The following ZNF77 variants were observed in gnomAD, a reference collection of about 807,000 sequenced individuals.
ZNF77 encodes the protein ZNFpT1.
Under a neutral mutation model 13.5 loss-of-function variants are expected in ZNF77, and 15 were observed. The ratio of observed to expected loss-of-function variants is 1.11; its 90% CI spans 0.74 to 1.71. ZNF77 has a LOEUF of 1.71. Ranked by LOEUF, ZNF77 falls within the 40% of genes most tolerant of loss-of-function variation. The pLI is 0.00. For missense variants in ZNF77, 717 were observed against 676.4 expected (o/e 1.06, Z -0.67); for synonymous variants, 282 against 250.0 (o/e 1.13, Z -1.21).
rs770358427 is a variant in ZNF77 at position 2,936,555 on chromosome 19, C to G, written c.280G>C (p.Asp94His). ...TGCCTCTGTGGGATTTGGTGCTGAT[C>G]TCCAGTGTTATCAAATCTCCAATTT... ...GENWRFDNTGDQHQIPQRHLR... is the reference protein window; with the variant it reads ...GENWRFDNTGHQHQIPQRHLR... Residue 94 changes from aspartate (D) to histidine (H), a missense_variant, in exon 3 of 4, where the codon GAT (aspartate) becomes CAT (histidine). Coordinates refer to ENST00000314531, the MANE Select transcript of ZNF77 (RefSeq NM_021217.3). 6 of 1,610,448 alleles carry G rather than the reference C, an allele frequency of 3.7e-6. No individual in the cohort carries two copies. Among genetic ancestry groups the G allele is most frequent in the Non-Finnish European group, 5.1e-6 (6 of 1,179,044 alleles).
chr19:2,936,466 T>C lies in ZNF77; in HGVS notation c.311+58A>G. ...GCCCAGCCGATACTTTTCTTTGAAT[T>C]GCAAGTTAGTTTGATGCTCTGCGGA... On this transcript the variant is annotated intron_variant, in intron 3 of 3. Transcript: ENST00000314531. 2.7e-6 allele frequency: 4 copies of C among 1,502,014 alleles called. No homozygotes were observed. In the South Asian group the frequency reaches 5.4e-5, roughly 20 times the overall value. The allele number at this position is 1,502,014 out of a possible 1,614,324, so 93.0% of individuals were successfully genotyped here. A position where few individuals can be genotyped will look rare whatever the true frequency, so the allele number is the denominator to read the frequency against.
rs201144554 is a variant in ZNF77 at position 2,934,464 on chromosome 19, G to A, written c.663C>T (p.Phe221=). 1 of 1,614,230 alleles carries A rather than the reference G, an allele frequency of 6.2e-7. No individual in the cohort carries two copies. The highest frequency in any genetic ancestry group is 1.7e-5 in the Admixed American group (1 of 60,016). ...GTCCCCTGAAAGATGAGGGACAAAT[G>A]AAAGCTTTTCCACATTTCTGACATT... ...SYECQKCGKA[F]ICPSSFRGHV... Residue 221 remains phenylalanine, a synonymous_variant, in exon 4 of 4, where the codon TTC becomes TTT. Transcript: ENST00000314531.
chr19:2,938,315 C>T (rs560079019), intron 2 of ZNF77, among the ~76,000 whole-genome samples: 265 of 152,268 alleles, frequency 1.7e-3, no homozygotes, highest in African/African-American at 5.6e-3. Flanking sequence ...CGATGATGTC[C>T]GAGTGTGAGT....
rs929794919 is a variant in ZNF77 at position 2,938,748 on chromosome 19, A to G, written c.130+533T>C. On this transcript the variant is annotated intron_variant, in intron 2 of 3. Transcript: ENST00000314531. Reference sequence around the variant, plus strand: ...AAGGCGGGCGGATCACGAGGTCAGGAGATCGAGACCATCCTGGCTAACACG... The same window carrying G: ...AAGGCGGGCGGATCACGAGGTCAGGGGATCGAGACCATCCTGGCTAACACG... Among the ~76,000 whole-genome samples the G allele has an allele frequency of 4.6e-5, 7 of 152,086 alleles. 1 individual carries two copies. The highest frequency in any genetic ancestry group is 1.0e-4 in the Non-Finnish European group (7 of 68,004).
intron 1 of ZNF77, among the ~76,000 whole-genome samples, chr19:2,940,794 G>A (rs981892446): frequency 1.3e-5 from 2 of 151,978 alleles, no homozygotes; most frequent in Non-Finnish European, 2.9e-5. Context: ...TGGCCTGGCT[G>A]TCGTTACACA....
intron 1 of ZNF77, among the ~76,000 whole-genome samples, chr19:2,943,002 G>A (rs112938987): frequency 0.014 from 2,202 of 152,122 alleles, 56 homozygotes; most frequent in African/African-American, 0.049. Context: ...GGCTGGTCTT[G>A]AACTCCTGAC....
rs1213157841 is a variant in ZNF77 at position 2,936,601 on chromosome 19, A to G, written c.234T>C (p.Asp78=). 6.2e-7 allele frequency: 1 copy of G among 1,611,056 alleles called. No individual in the cohort carries two copies. Among genetic ancestry groups the G allele is most frequent in the African/African-American group, 1.3e-5 (1 of 74,762 alleles). ...AATTTTCTCCAAAAATAGACCAGGA[A>G]TCACTTCCTGTGAACTTTACAATCT... ...DEEIVKFTGS[D]SWSIFGENWR... Residue 78 remains aspartate, a synonymous_variant, in exon 3 of 4, where the codon GAT becomes GAC. Transcript: ENST00000314531.
At position 2,934,177 on chromosome 19, in the gene ZNF77, G is replaced by A. The variant is rs151130031; in HGVS notation, c.950C>T (p.Thr317Met). ...CTGACAGGGTTTCTCTCCAGTGTGC[G>A]TCCTCACGTGATCTCTAAAGGAGGA... is the stretch of plus-strand genomic sequence containing the variant. ...CYSSFRDHVR[T>M]HTGEKPCQCK... Residue 317 changes from threonine to methionine, a missense_variant, in exon 4 of 4, where the codon ACG becomes ATG. Transcript: ENST00000314531. 1,584 of 1,614,190 alleles carry A rather than the reference G, an allele frequency of 9.8e-4. 1 individual carries two copies. Among genetic ancestry groups the A allele is most frequent in the South Asian group, 1.8e-3 (168 of 91,086 alleles).
intron 1 of ZNF77, among the ~76,000 whole-genome samples, chr19:2,944,249 CCTGA>C (rs1192959326): frequency 1.4e-5 from 2 of 147,868 alleles, no homozygotes; most frequent in Non-Finnish European, 3.0e-5. Flanking sequence ...CCCCTGAGCC[CCTGA>C]CTGCTTCTGC....
Position 2,934,242 on chromosome 19 carries a change from C to G in ZNF77, c.885G>C (p.Pro295=). ...ATTTTCCACAATGCTTACATTCATA[C>G]GGTTTCTCTCCAGTGTGTGTTCTGA... The part of the protein sequence containing the change: ...EHVRTHTGEK[P]YECKHCGKSF... The change falls in exon 4 of 4, where the codon CCG becomes CCC. Residue 295 remains proline (P), a synonymous_variant. Coordinates refer to ENST00000314531, the MANE Select transcript of ZNF77 (RefSeq NM_021217.3). 1 of 1,613,914 alleles carries G rather than the reference C, an allele frequency of 6.2e-7. No homozygotes were observed. Among genetic ancestry groups the G allele is most frequent in the Non-Finnish European group, 8.5e-7 (1 of 1,179,978 alleles).
chr19:2,936,458 C>A (rs2088397613), intron 3 of ZNF77, 66 bp downstream of exon 3: 1 of 1,493,266 alleles, frequency 6.7e-7, no homozygotes. Flanking sequence ...CGATACTTTT[C>A]TTTGAATTGC....
chr19:2,934,691 T>A lies in ZNF77; in HGVS notation c.436A>T (p.Lys146Ter). 6.2e-7 allele frequency: 1 copy of A among 1,614,152 alleles called. No individual in the cohort carries two copies. Among genetic ancestry groups the A allele is most frequent in the Non-Finnish European group, 8.5e-7 (1 of 1,180,038 alleles). ...PTEAKPSECTKCGKAFENRQR... is the reference protein window; with the variant it reads ...PTEAKPSECT ...CGATTCTCGAAGGCTTTGCCACACTTAGTGCACTCAGAGGGTTTAGCTTCG... is the reference window on the plus strand; with the variant it reads ...CGATTCTCGAAGGCTTTGCCACACTAAGTGCACTCAGAGGGTTTAGCTTCG... Residue 146 changes from lysine to a stop codon, truncating the protein, a stop_gained, in exon 4 of 4, where the codon AAG (lysine) becomes TAG (stop). Coordinates refer to ENST00000314531, the MANE Select transcript of ZNF77 (RefSeq NM_021217.3). LOFTEE classifies it low-confidence loss of function (END_TRUNC).
rs1471682962 is a variant in ZNF77 at position 2,943,973 on chromosome 19, G to C, written c.3+865C>G. Among the ~76,000 whole-genome samples the C allele has an allele frequency of 2.0e-5, 3 of 151,804 alleles. No homozygotes were observed. In the East Asian group the frequency reaches 5.8e-4, roughly 29 times the overall value. On this transcript the variant is annotated intron_variant, in intron 1 of 3. Transcript: ENST00000314531. ...GATCCGCCCGCCTCGGCCTCCCAAA[G>C]TGCTGGGATTACAGGCGTGAGCCAC...
chr19:2,935,105 AC>A (rs1037992613), intron 3 of ZNF77, among the ~76,000 whole-genome samples: 6 of 151,498 alleles, frequency 4.0e-5, no homozygotes, highest in African/African-American at 1.5e-4. Flanking sequence ...TGCAAGCTCC[AC>A]CTCCCAGGTT....
chr19:2,941,994 A>G (rs547461939), intron 1 of ZNF77, among the ~76,000 whole-genome samples: 1 of 152,272 alleles, frequency 6.6e-6, no homozygotes, highest in African/African-American at 2.4e-5. Context: ...AACACCAGGC[A>G]GTGGCAGAAG....
intron 2 of ZNF77, among the ~76,000 whole-genome samples, chr19:2,937,752 T>C (rs969991674): frequency 8.7e-4 from 22 of 25,152 alleles, no homozygotes; most frequent in Non-Finnish European, 2.7e-3. Flanking sequence ...TGTGTTTCTT[T>C]TTTTTGTTTT....
At chr19:2,940,490 T>A (rs1268910302) in intron 1 of ZNF77, among the ~76,000 whole-genome samples, 1 of 151,944 alleles carries the variant, frequency 6.6e-6, no homozygotes, top group Non-Finnish European at 1.5e-5. Flanking sequence ...CTGGCCAACA[T>A]GGTGAAACCC....
chr19:2,937,478 G>A (rs1191258416), intron 2 of ZNF77, among the ~76,000 whole-genome samples: 3 of 151,040 alleles, frequency 2.0e-5, no homozygotes, highest in Non-Finnish European at 4.4e-5. Context: ...GGCAGTAAGA[G>A]TGAAACTGTG....
rs1464280961 is a variant in ZNF77 at position 2,934,809 on chromosome 19, C to A, written c.318G>T (p.Gln106His). Residue 106 changes from glutamine to histidine, a missense_variant, in exon 4 of 4, where the codon CAG (glutamine) becomes CAT (histidine). Gln to His is a conservative substitution (Grantham distance 24). Transcript: ENST00000314531. Reference sequence around the variant, plus strand: ...CATTACTTTCACAGAGTCTCCCCAGCTGACTTCTGTTCAAAATGGGAAGCA... The same window carrying A: ...CATTACTTTCACAGAGTCTCCCCAGATGACTTCTGTTCAAAATGGGAAGCA... ...HQIPQRHLRSQLGRLCESNEG... is the reference protein window; with the variant it reads ...HQIPQRHLRSHLGRLCESNEG... 1.2e-6 allele frequency: 2 copies of A among 1,600,708 alleles called. No individual in the cohort carries two copies. The highest frequency in any genetic ancestry group is 1.7e-6 in the Non-Finnish European group (2 of 1,170,652).
Sources: gnomAD v4.1 joint callset for allele counts (sites outside exome capture counted in the v4.1 genomes callset) on GRCh38, gnomAD v4.1.1 for gene constraint, MANE v1.5 for transcripts, NCBI Gene and HGNC (gene_info 2026-07-23, HGNC 2026-07-21) for gene names.